The following MAPK10 variants were observed in gnomAD, a reference collection of about 807,000 sequenced individuals.
The protein encoded by MAPK10 is JNK3 alpha protein kinase.
In MAPK10, 25 loss-of-function variants were observed where a neutral mutation model predicts 59.3. That is an observed-to-expected ratio of 0.42 (90% CI 0.31 to 0.59). MAPK10 has a LOEUF of 0.59. Among genes scored for constraint, MAPK10 ranks in the 20% least tolerant of loss-of-function variants. The probability of loss-of-function intolerance (pLI) is 0.15; values close to 1 mark genes in which losing one functional copy is unlikely to be tolerated. For missense variants in MAPK10, 351 were observed against 568.9 expected (o/e 0.62, Z 3.90); for synonymous variants, 190 against 200.5 (o/e 0.95, Z 0.44).
At chr4:86,561,393 G>C (rs1268749611) in intron 1 of MAPK10, among the ~76,000 whole-genome samples, 1 of 152,214 alleles carries the variant, frequency 6.6e-6, no homozygotes. Flanking sequence ...TCTATAATGT[G>C]TTAATAGTCC....
intron 2 of MAPK10, among the ~76,000 whole-genome samples, chr4:86,329,202 G>A (rs953555049): frequency 1.3e-5 from 2 of 151,952 alleles, no homozygotes; most frequent in African/African-American, 4.8e-5. Context: ...TCTGGTCTGT[G>A]GTATTCTGTT....
intron 1 of MAPK10, among the ~76,000 whole-genome samples, chr4:86,519,670 AC>A (rs1564980206): frequency 6.6e-6 from 1 of 152,046 alleles, no homozygotes; most frequent in African/African-American, 2.4e-5. Flanking sequence ...TTGCCTGAAT[AC>A]CTCATTTTGT....
intron 4 of MAPK10, among the ~76,000 whole-genome samples, chr4:86,121,719 T>C (rs2059288607): frequency 6.6e-6 from 1 of 152,132 alleles, no homozygotes; most frequent in South Asian, 2.1e-4. Flanking sequence ...TCAGATTTTT[T>C]TGGGTTGAGA....
At chr4:86,373,475 C>T (rs1453488702) in intron 1 of MAPK10, among the ~76,000 whole-genome samples, 3 of 152,152 alleles carry the variant, frequency 2.0e-5, no homozygotes, top group Non-Finnish European at 2.9e-5. Context: ...AACAGGCAAC[C>T]TACAGAATGG....
chr4:86,478,430 G>C (rs911331266), intron 1 of MAPK10, among the ~76,000 whole-genome samples: 1 of 152,174 alleles, frequency 6.6e-6, no homozygotes, highest in Non-Finnish European at 1.5e-5. Context: ...TAGCCCTCAA[G>C]TCTGTGTGCA....
intron 1 of MAPK10, chr4:86,384,219 C>T (rs956170704): frequency 1.2e-4 from 18 of 152,262 alleles, no homozygotes; most frequent in Admixed American, 9.2e-4. Flanking sequence ...CCAGGTGCTA[C>T]ACCAGGAACT....
chr4:86,304,430 T>C (rs1423853359), intron 2 of MAPK10, among the ~76,000 whole-genome samples: 1 of 149,458 alleles, frequency 6.7e-6, no homozygotes, highest in Non-Finnish European at 1.5e-5. Context: ...TCCCGCTGTT[T>C]AGCCCAGGCC....
At chr4:86,517,237 G>A (rs1403938664) in intron 1 of MAPK10, among the ~76,000 whole-genome samples, 2 of 150,048 alleles carry the variant, frequency 1.3e-5, no homozygotes, top group African/African-American at 2.4e-5. Flanking sequence ...CTGAATACCC[G>A]GTATGAAACC....
intron 2 of MAPK10, among the ~76,000 whole-genome samples, chr4:86,258,515 C>G (rs1429152300): frequency 6.6e-6 from 1 of 152,000 alleles, no homozygotes. Context: ...TTGTTTTTTC[C>G]TTTTCCTTTC....
intron 2 of MAPK10, among the ~76,000 whole-genome samples, chr4:86,311,381 C>T (rs568786976): frequency 6.6e-6 from 1 of 152,018 alleles, no homozygotes; most frequent in East Asian, 1.9e-4. Flanking sequence ...CTTTTAATGG[C>T]ACTGATCTTA....
chr4:86,187,234 G>A (rs1248835617), intron 3 of MAPK10, among the ~76,000 whole-genome samples: 1 of 152,004 alleles, frequency 6.6e-6, no homozygotes, highest in African/African-American at 2.4e-5. Flanking sequence ...TTATAAGTTA[G>A]GCACAGTAAG....
At chr4:86,125,001 A>G (rs866554295) in intron 4 of MAPK10, 10 of 151,964 alleles carry the variant, frequency 6.6e-5, no homozygotes, top group African/African-American at 2.4e-4. Flanking sequence ...TCTGTGAAAA[A>G]CCTTGGACTC....
intron 1 of MAPK10, among the ~76,000 whole-genome samples, chr4:86,489,985 C>A (rs1754336767): frequency 6.6e-6 from 1 of 152,158 alleles, no homozygotes; most frequent in African/African-American, 2.4e-5. Context: ...AAATAACAAG[C>A]CAAGTATGGT....
At chr4:86,067,244 C>T (rs1040633125) in intron 10 of MAPK10, among the ~76,000 whole-genome samples, 7 of 152,084 alleles carry the variant, frequency 4.6e-5, no homozygotes, top group African/African-American at 7.2e-5. Context: ...TAGGTTCAAG[C>T]GACTCTCCTG....
At chr4:86,270,640 C>T (rs2094405804) in intron 2 of MAPK10, among the ~76,000 whole-genome samples, 1 of 151,942 alleles carries the variant, frequency 6.6e-6, no homozygotes, top group Non-Finnish European at 1.5e-5. Flanking sequence ...TAGAATATCC[C>T]AGATGTTAAC....
At chr4:86,131,653 TA>T (rs1562095587) in intron 4 of MAPK10, among the ~76,000 whole-genome samples, 1 of 152,180 alleles carries the variant, frequency 6.6e-6, no homozygotes, top group Non-Finnish European at 1.5e-5. Context: ...AGAATGCAAT[TA>T]GTCAATTGTT....
chr4:86,274,345 T>C (rs1482078959), intron 2 of MAPK10, among the ~76,000 whole-genome samples: 3 of 152,028 alleles, frequency 2.0e-5, no homozygotes, highest in African/African-American at 7.2e-5. Flanking sequence ...TTCAAAGTGA[T>C]ATAGACAAAG....
intron 2 of MAPK10, among the ~76,000 whole-genome samples, chr4:86,199,019 A>G (rs912405407): frequency 3.3e-5 from 5 of 152,074 alleles, no homozygotes; most frequent in Non-Finnish European, 5.9e-5. Flanking sequence ...TCAAAAGCTG[A>G]AGAGTATAAT....
intron 1 of MAPK10, among the ~76,000 whole-genome samples, chr4:86,417,333 TTTA>T (rs1417517286): frequency 4.6e-5 from 7 of 152,192 alleles, no homozygotes; most frequent in African/African-American, 1.7e-4. Context: ...ATTGATATTG[TTTA>T]TTTACATTTA....
Sources: gnomAD v4.1 joint callset for allele counts (sites outside exome capture counted in the v4.1 genomes callset) on GRCh38, gnomAD v4.1.1 for gene constraint, MANE v1.5 for transcripts, NCBI Gene and HGNC (gene_info 2026-07-23, HGNC 2026-07-21) for gene names.